Variants in PCDHGA12 observed in about 807,000 individuals in gnomAD.
PCDHGA12 encodes the protein protocadherin gamma subfamily A, 12.
PCDHGA12 carries 43 observed loss-of-function variants against 61.1 expected under a neutral mutation model. The observed-to-expected ratio is 0.70, with a 90% CI of 0.55 to 0.91. The LOEUF (loss-of-function observed/expected upper bound fraction) is 0.91. Among genes scored for constraint, PCDHGA12 ranks in the 40% least tolerant of loss-of-function variants. The pLI is 0.00. For synonymous variants in PCDHGA12, 520 were observed against 542.9 expected, an observed-to-expected ratio of 0.96 and a Z score of 0.59; for missense variants, 1,236 against 1,227.7, an observed-to-expected ratio of 1.01 and a Z score of -0.10.
intron 1 of PCDHGA12, chr5:141,478,217 G>A: frequency 2.5e-6 from 4 of 1,614,094 alleles, no homozygotes. Flanking sequence ...TCTAATCCTG[G>A]TTTCTGTGGG....
rs1223431294 is a variant in PCDHGA12, at chr5:141,490,280, C to T, written c.2425-4527C>T. ...GATGTGGGGGATGTCAATGACAATG[C>T]CCCAGAGGTGCTATTGGCCTCTTTG... On this transcript the variant is annotated intron_variant, in intron 1 of 3. Transcript: ENST00000252085. The surrounding 1 kb of genome is among the most constrained non-coding windows in gnomAD (Gnocchi z 5.4). The T allele has an allele frequency of 5.6e-6, 9 of 1,614,216 alleles. No individual in the cohort carries two copies. In the East Asian group the frequency reaches 1.8e-4, roughly 32 times the overall value.
rs115990854 is a variant in PCDHGA12 at position 141,433,033 on chromosome 5, C to T, written c.2274C>T (p.Ser758=). Residue 758 remains serine, a synonymous_variant, in exon 1 of 4, where the codon TCC becomes TCT. Coordinates refer to ENST00000252085, the MANE Select transcript of PCDHGA12 (RefSeq NM_003735.3). ...TGCAGACCTATTCCCACGAGGTTTC[C>T]CTCACCACGGACTCGCGGAAGAGTC... ...AFLQTYSHEV[S]LTTDSRKSHL... is the part of the protein sequence containing the mutation. The T allele has an allele frequency of 6.4e-3, 10,342 of 1,614,162 alleles. 43 individuals are homozygous for T. The highest frequency in any genetic ancestry group is 8.6e-3 in the Middle Eastern group (52 of 6,062).
At chr5:141,465,792 T>A (rs1262092940) in intron 1 of PCDHGA12, among the ~76,000 whole-genome samples, 2 of 152,018 alleles carry the variant, frequency 1.3e-5, no homozygotes, top group Non-Finnish European at 2.9e-5. Flanking sequence ...TTTTTTTTTT[T>A]AAGAAACCCT....
intron 1 of PCDHGA12, chr5:141,484,946 C>T (rs2154580274): frequency 3.6e-6 from 2 of 561,448 alleles, no homozygotes; most frequent in Non-Finnish European, 6.4e-6. Flanking sequence ...CTCTGCTCAG[C>T]CTATTGGCTG....
At position 141,476,994 on chromosome 5, in the gene PCDHGA12, A is replaced by T; in HGVS notation, c.2425-17813A>T. 6.2e-7 allele frequency: 1 copy of T among 1,614,260 alleles called. No individual in the cohort carries two copies. The highest frequency in any genetic ancestry group is 2.2e-5 in the East Asian group (1 of 44,884). On this transcript the variant is annotated intron_variant, in intron 1 of 3. Transcript: ENST00000252085. This position sits in a 1 kb window ranked among gnomAD's most constrained non-coding sequence, Gnocchi z 7.6. ...AGCCACAACCGCGCCGGCGTGCGGC[A>T]ACTATTCGCCTTAGACCTTGTAACC...
Position 141,432,292 on chromosome 5 carries a change from T to G in PCDHGA12, c.1533T>G (p.Thr511=). 6.2e-7 allele frequency: 1 copy of G among 1,614,196 alleles called. No homozygotes were observed. The highest frequency in any genetic ancestry group is 8.5e-7 in the Non-Finnish European group (1 of 1,180,042). Residue 511 remains threonine, a synonymous_variant, in exon 1 of 4, where the codon ACT becomes ACG. Transcript: ENST00000252085. This position sits in a 1 kb window ranked among gnomAD's most constrained non-coding sequence, Gnocchi z 6.0. ...LSSYVSINSD[T]GVLYALSSFD... Reference sequence around the variant, plus strand: ...CCTACGTGTCCATCAACTCCGACACTGGGGTACTGTATGCGCTGAGCTCCT... The same window carrying G: ...CCTACGTGTCCATCAACTCCGACACGGGGGTACTGTATGCGCTGAGCTCCT...
chr5:141,460,157 C>T (rs1388985005), intron 1 of PCDHGA12, among the ~76,000 whole-genome samples: 1 of 151,968 alleles, frequency 6.6e-6, no homozygotes, highest in Admixed American at 6.6e-5. Context: ...CTCTTTGTCA[C>T]ATACATATTT....
At position 141,502,866 on chromosome 5, in the gene PCDHGA12, C is replaced by CTTTTTTTTTTT. The variant is rs549047197; in HGVS notation, c.2484-2523_2484-2513dup. Among the ~76,000 whole-genome samples the CTTTTTTTTTTT allele has an allele frequency of 4.4e-4, 56 of 128,014 alleles. 1 individual carries two copies. The highest frequency in any genetic ancestry group is 5.1e-4 in the Non-Finnish European group (32 of 62,412). The allele number at this position is 128,014 out of a possible 152,430, so 84.0% of individuals were successfully genotyped here. ...GAGCTGCCTAACCCTGACTCTCTGTCTTTTTTTTTTTTTTGACAGGGAGTC... is the reference window on the plus strand; with the variant it reads ...GAGCTGCCTAACCCTGACTCTCTGTCTTTTTTTTTTTTTTTTTTTTTTTTTGACAGGGAGTC... On this transcript the variant is annotated intron_variant, in intron 2 of 3. Coordinates refer to ENST00000252085, the MANE Select transcript of PCDHGA12 (RefSeq NM_003735.3).
intron 2 of PCDHGA12, among the ~76,000 whole-genome samples, chr5:141,499,575 T>TCCCTA (rs2099792820): frequency 1.3e-5 from 2 of 152,202 alleles, no homozygotes; most frequent in Non-Finnish European, 2.9e-5. Context: ...CTTCAACTAA[T>TCCCTA]GCCTTATCTT....
At chr5:141,484,362 A>T (rs1460176695) in intron 1 of PCDHGA12, among the ~76,000 whole-genome samples, 1 of 152,196 alleles carries the variant, frequency 6.6e-6, no homozygotes, top group Non-Finnish European at 1.5e-5. Context: ...TATCTAGTGT[A>T]TCACTAGCAA....
chr5:141,448,426 T>C (rs892222815), intron 1 of PCDHGA12, among the ~76,000 whole-genome samples: 1 of 152,164 alleles, frequency 6.6e-6, no homozygotes, highest in Non-Finnish European at 1.5e-5. Context: ...ATACTATGTA[T>C]ATATTGAGAA....
intron 1 of PCDHGA12, among the ~76,000 whole-genome samples, chr5:141,484,207 A>G (rs898823095): frequency 2.6e-5 from 4 of 152,218 alleles, no homozygotes; most frequent in Non-Finnish European, 5.9e-5. Context: ...ATCTATGAAC[A>G]TTAGCATTCT....
intron 1 of PCDHGA12, among the ~76,000 whole-genome samples, chr5:141,456,052 C>T (rs2098841739): frequency 1.3e-5 from 2 of 151,970 alleles, no homozygotes; most frequent in South Asian, 4.1e-4. Flanking sequence ...CGCCCACCAC[C>T]ACGTCCGGCT....
rs768265171 is a variant in PCDHGA12, at chr5:141,432,847, G to T, written c.2088G>T (p.Ala696=). The T allele has an allele frequency of 6.2e-7, 1 of 1,614,180 alleles. No homozygotes were observed. Residue 696 remains alanine, a synonymous_variant, in exon 1 of 4, where the codon GCG becomes GCT. Transcript: ENST00000252085. The surrounding 1 kb of genome is among the most constrained non-coding windows in gnomAD (Gnocchi z 6.0). ...TSDLTLYLVV[A]VAAVSCVFLA... ...ACCTCACTCTGTACCTGGTGGTAGC[G>T]GTGGCCGCGGTCTCCTGCGTCTTCC...
chr5:141,448,515 T>C (rs1158968509), intron 1 of PCDHGA12, among the ~76,000 whole-genome samples: 1 of 152,212 alleles, frequency 6.6e-6, no homozygotes, highest in Non-Finnish European at 1.5e-5. Flanking sequence ...TTTATAACTT[T>C]ATTAAGCATC....
Position 141,497,143 on chromosome 5 carries a change from G to GA in PCDHGA12, c.2483+2287dup, listed in dbSNP as rs928640875. ...AGAGGTTGCAGTGAGCTGAGATCAC[G>GA]AAAAAAAAATAATCTAGCCACAAAT... On this transcript the variant is annotated intron_variant, in intron 2 of 3. Coordinates refer to ENST00000252085, the MANE Select transcript of PCDHGA12 (RefSeq NM_003735.3). 1.3e-3 allele frequency among the ~76,000 whole-genome samples: 194 copies of GA among 150,104 alleles called. 4 individuals are homozygous for GA. The highest frequency in any genetic ancestry group is 7.6e-3 in the Admixed American group (115 of 15,100).
chr5:141,461,196 T>C (rs1398352067), intron 1 of PCDHGA12, among the ~76,000 whole-genome samples: 3 of 152,128 alleles, frequency 2.0e-5, no homozygotes. Context: ...TGTTTTTTGC[T>C]CTTTAGAGAA....
rs148558897 is a variant in PCDHGA12, at chr5:141,489,890, G to A, written c.2425-4917G>A. On this transcript the variant is annotated intron_variant, in intron 1 of 3. Coordinates refer to ENST00000252085, the MANE Select transcript of PCDHGA12 (RefSeq NM_003735.3). The surrounding 1 kb of genome is among the most constrained non-coding windows in gnomAD (Gnocchi z 4.5). Reference sequence around the variant, plus strand: ...CAGCTGGTGCTTACTGCTGTGGATGGGGGGACCCCAGCCCGCTCAGGGACC... The same window carrying A: ...CAGCTGGTGCTTACTGCTGTGGATGAGGGGACCCCAGCCCGCTCAGGGACC... 6.2e-7 allele frequency: 1 copy of A among 1,614,198 alleles called. No homozygotes were observed. The highest frequency in any genetic ancestry group is 8.5e-7 in the Non-Finnish European group (1 of 1,180,028).
chr5:141,441,633 C>T, intron 1 of PCDHGA12: 1 of 226,756 alleles, frequency 4.4e-6, no homozygotes, highest in Non-Finnish European at 8.9e-6. Flanking sequence ...CCTGGAGCCA[C>T]AGGCGCTGTG....
Sources: allele counts gnomAD v4.1 joint callset (sites outside exome capture counted in the v4.1 genomes callset), GRCh38; gene constraint gnomAD v4.1.1; non-coding constraint Gnocchi (gnomAD v3.1); transcripts MANE v1.5; gene names NCBI Gene and HGNC (gene_info 2026-07-23, HGNC 2026-07-21).